Variants in CALN1 observed in about 807,000 individuals in gnomAD.
CALN1 encodes calneuron 1.
A neutral mutation model predicts 30.6 loss-of-function variants in CALN1; 17 were observed. That is an observed-to-expected ratio of 0.56 (90% CI 0.38 to 0.83). The LOEUF is 0.83. Among genes scored for constraint, CALN1 ranks in the 40% least tolerant of loss-of-function variants. The pLI, the probability that CALN1 is intolerant of heterozygous loss-of-function variation, is 0.00. For synonymous variants in CALN1, 156 were observed against 131.4 expected (o/e 1.19, Z -1.28); for missense variants, 291 against 354.9 (o/e 0.82, Z 1.45).
At chr7:71,889,489 T>C (rs1705536138) in intron 5 of CALN1, among the ~76,000 whole-genome samples, 1 of 152,126 alleles carries the variant, frequency 6.6e-6, no homozygotes, top group Non-Finnish European at 1.5e-5. Context: ...GGCTCTTTTA[T>C]AAAAACACCA....
intron 4 of CALN1, among the ~76,000 whole-genome samples, chr7:72,081,417 G>GTGTGTC (rs199948442): frequency 6.8e-6 from 1 of 146,190 alleles, no homozygotes; most frequent in Admixed American, 6.8e-5. Flanking sequence ...GTGTGTGTGT[G>GTGTGTC]TGTGTGTTTG....
intron 5 of CALN1, among the ~76,000 whole-genome samples, chr7:71,918,622 A>T (rs1488518874): frequency 6.6e-6 from 1 of 152,168 alleles, no homozygotes; most frequent in Non-Finnish European, 1.5e-5. Context: ...ATTCTTGAAG[A>T]CAGTGTGGGA....
the CALN1 span, among the ~76,000 whole-genome samples, chr7:72,457,499 C>T: frequency 0.017 from 2,537 of 152,246 alleles, 76 homozygotes; most frequent in African/African-American, 0.058. Flanking sequence ...TTCCTCCAGC[C>T]TGGAATGCCC....
chr7:72,274,382 C>T (rs772539611), intron 3 of CALN1, among the ~76,000 whole-genome samples: 7 of 151,980 alleles, frequency 4.6e-5, no homozygotes, highest in Admixed American at 6.6e-5. Context: ...GTGGCACATG[C>T]CTGTAATCCT....
chr7:72,007,415 C>T (rs368519813), intron 5 of CALN1, among the ~76,000 whole-genome samples: 18 of 152,170 alleles, frequency 1.2e-4, no homozygotes, highest in South Asian at 4.2e-4. Flanking sequence ...GGTATGGTGG[C>T]GGGCACCTGT....
At chr7:72,415,179 C>T (rs1410923658), upstream of CALN1, among the ~76,000 whole-genome samples, 1 of 152,226 alleles carries the variant, frequency 6.6e-6, no homozygotes, top group African/African-American at 2.4e-5. Flanking sequence ...TCCCCACCCG[C>T]TAGTCTATGG....
intron 3 of CALN1, among the ~76,000 whole-genome samples, chr7:72,249,718 C>T (rs1795422921): frequency 6.6e-6 from 1 of 152,178 alleles, no homozygotes; most frequent in African/African-American, 2.4e-5. Context: ...AGGCAGATCA[C>T]TTGAGGTCAG....
At chr7:72,023,542 G>A (rs1377354825) in intron 5 of CALN1, 115 bp downstream of exon 5, 33 of 601,302 alleles carry the variant, frequency 5.5e-5, no homozygotes, top group Non-Finnish European at 8.4e-5. Flanking sequence ...AACATATGTC[G>A]CTCAGCCCAG....
chr7:72,261,796 T>C (rs986249475), intron 3 of CALN1, among the ~76,000 whole-genome samples: 1 of 152,166 alleles, frequency 6.6e-6, no homozygotes, highest in East Asian at 1.9e-4. Flanking sequence ...CATAAAACTT[T>C]AGTGGAACAA....
chr7:72,119,667 T>TCATGGTGGAAGGTGAAAGGCATGTCTTG (rs1388467328), intron 3 of CALN1, among the ~76,000 whole-genome samples: 2 of 152,084 alleles, frequency 1.3e-5, no homozygotes, highest in Non-Finnish European at 2.9e-5. Context: ...GGCCTTACAG[T>TCATGGTGGAAGGTGAAAGGCATGTCTTG]CATGGTGGAA....
At chr7:72,107,089 C>T (rs936665942) in intron 3 of CALN1, among the ~76,000 whole-genome samples, 1 of 152,112 alleles carries the variant, frequency 6.6e-6, no homozygotes, top group African/African-American at 2.4e-5. Flanking sequence ...CATCCTCCAA[C>T]TCTGGAGGAG....
intron 3 of CALN1, among the ~76,000 whole-genome samples, chr7:72,225,956 T>C (rs564445663): frequency 2.5e-4 from 38 of 151,548 alleles, no homozygotes; most frequent in Non-Finnish European, 4.4e-4. Flanking sequence ...ATTAGCCGGG[T>C]GTGGTGGCAC....
the CALN1 span, among the ~76,000 whole-genome samples, chr7:72,459,151 G>C: frequency 6.6e-6 from 1 of 151,872 alleles, no homozygotes; most frequent in African/African-American, 2.4e-5. Flanking sequence ...TAATCCACCT[G>C]CCTCAGCCTC....
chr7:71,897,901 A>C (rs1793610890), intron 5 of CALN1, among the ~76,000 whole-genome samples: 1 of 148,458 alleles, frequency 6.7e-6, no homozygotes. Flanking sequence ...TACAATGTTC[A>C]TGGAAGAAAA....
At chr7:71,922,517 TA>T (rs1259043624) in intron 5 of CALN1, among the ~76,000 whole-genome samples, 2 of 142,830 alleles carry the variant, frequency 1.4e-5, no homozygotes, top group Non-Finnish European at 3.0e-5. Context: ...ACACAATATA[TA>T]ACACACAGAA....
At chr7:72,371,195 G>A in intron 2 of CALN1, among the ~76,000 whole-genome samples, 1 of 152,170 alleles carries the variant, frequency 6.6e-6, no homozygotes, top group Middle Eastern at 3.4e-3. Context: ...TTTCCTTCCA[G>A]AATTTTTATG....
At chr7:71,923,342 T>C (rs80161778) in intron 5 of CALN1, among the ~76,000 whole-genome samples, 1 of 152,308 alleles carries the variant, frequency 6.6e-6, no homozygotes, top group African/African-American at 2.4e-5. Context: ...AACACAGATA[T>C]AATCAACGGC....
chr7:72,372,690 T>G (rs563076920), intron 2 of CALN1, among the ~76,000 whole-genome samples: 89 of 152,240 alleles, frequency 5.8e-4, no homozygotes, highest in African/African-American at 1.5e-3. Flanking sequence ...GCTTTGGAAA[T>G]TAACTGAAAT....
chr7:71,880,190 CTCAAGGTTGATTAGTTTGA>C (rs1167138323), intron 5 of CALN1, among the ~76,000 whole-genome samples: 1 of 152,132 alleles, frequency 6.6e-6, no homozygotes, highest in African/African-American at 2.4e-5. Context: ...CAAACAATTG[CTCAAGGTTGATTAGTTTGA>C]TCCTTCAATT....
Sources: gnomAD v4.1 joint callset for allele counts (sites outside exome capture counted in the v4.1 genomes callset) on GRCh38, gnomAD v4.1.1 for gene constraint, MANE v1.5 for transcripts, NCBI Gene and HGNC (gene_info 2026-07-23, HGNC 2026-07-21) for gene names.